The following GOLGA3 variants were observed in gnomAD, a reference collection of about 807,000 sequenced individuals.
The protein encoded by GOLGA3 is golgin subfamily A member 3.
Under a neutral mutation model 169.4 loss-of-function variants are expected in GOLGA3, and 75 were observed. The ratio of observed to expected loss-of-function variants is 0.44; its 90% CI spans 0.37 to 0.54. GOLGA3 has a LOEUF of 0.54. Ranked by LOEUF, GOLGA3 falls within the 20% of genes least tolerant of loss-of-function variation. The pLI is 0.00. For synonymous variants in GOLGA3, 824 were observed against 822.4 expected, an observed-to-expected ratio of 1.00 and a Z score of -0.03; for missense variants, 1,899 against 1,930.0, an observed-to-expected ratio of 0.98 and a Z score of 0.30.
At position 132,796,215 on chromosome 12, in the gene GOLGA3, C is replaced by T. The variant is rs750688317; in HGVS notation, c.2106G>A (p.Lys702=). 1 of 1,586,058 alleles carries T rather than the reference C, an allele frequency of 6.3e-7. No homozygotes were observed. Among genetic ancestry groups the T allele is most frequent in the Non-Finnish European group, 8.6e-7 (1 of 1,162,688 alleles). ...ASLEQQLEQV[K]LTLLQRDQQL... Reference sequence around the variant, plus strand: ...GCTGGTCTCGCTGGAGTAAAGTCAACTTCACCTGGAGAAGGAATGAAGCCC... The same window carrying T: ...GCTGGTCTCGCTGGAGTAAAGTCAATTTCACCTGGAGAAGGAATGAAGCCC... The change falls in exon 11 of 24, where the codon AAG becomes AAA. Residue 702 remains lysine (K), a synonymous_variant. Transcript: ENST00000450791.
intron 16 of GOLGA3, among the ~76,000 whole-genome samples, chr12:132,783,386 GAGCCCT>G (rs2045717149): frequency 6.6e-6 from 1 of 152,178 alleles, no homozygotes; most frequent in South Asian, 2.1e-4. Context: ...TCCAGGCACT[GAGCCCT>G]GGCTAGGCCA....
chr12:132,793,678 A>T (rs1219485649), intron 11 of GOLGA3, among the ~76,000 whole-genome samples: 34 of 108,380 alleles, frequency 3.1e-4, no homozygotes, highest in African/African-American at 1.1e-3. Context: ...GGCTCCACAC[A>T]GACCCACCGC....
At chr12:132,791,394 C>T in intron 11 of GOLGA3, 101 bp from the exon 12 acceptor site, 1 of 647,790 alleles carries the variant, frequency 1.5e-6, no homozygotes, top group South Asian at 1.9e-5. Context: ...AACACATCTG[C>T]ACAAATGTTA....
intron 2 of GOLGA3, among the ~76,000 whole-genome samples, chr12:132,817,272 C>T (rs79429116): frequency 4.1e-4 from 1 of 2,450 alleles, no homozygotes; most frequent in African/African-American, 8.6e-4. Flanking sequence ...CACACTCTAA[C>T]GTGAACCCGC....
chr12:132,800,614 G>A (rs745516646), intron 8 of GOLGA3, among the ~76,000 whole-genome samples: 3 of 152,070 alleles, frequency 2.0e-5, no homozygotes, highest in Non-Finnish European at 4.4e-5. Context: ...GAGAAATAAA[G>A]TTTTAATAAA....
At chr12:132,826,498 G>T (rs1448941114) in intron 1 of GOLGA3, among the ~76,000 whole-genome samples, 3 of 151,846 alleles carry the variant, frequency 2.0e-5, no homozygotes, top group East Asian at 3.9e-4. Flanking sequence ...CGCCAACATG[G>T]TGACAGCCAA....
intron 6 of GOLGA3, among the ~76,000 whole-genome samples, chr12:132,806,595 C>T (rs773723415): frequency 1.3e-5 from 2 of 152,260 alleles, no homozygotes; most frequent in Non-Finnish European, 2.9e-5. Context: ...AGCTGTGTCA[C>T]CTCAGGGCCT....
chr12:132,786,253 G>A, intron 15 of GOLGA3, 86 bp downstream of exon 15: 1 of 948,252 alleles, frequency 1.1e-6, no homozygotes, highest in Non-Finnish European at 1.6e-6. Flanking sequence ...GCCCCGCTAG[G>A]CTTTAGGGGA....
At chr12:132,791,998 G>C (rs11615804) in intron 11 of GOLGA3, among the ~76,000 whole-genome samples, 46,410 of 143,632 alleles carry the variant, frequency 0.32, 7,530 homozygotes, top group Non-Finnish European at 0.42. Context: ...GGCTCCAAGA[G>C]GGGGATGCAT....
intron 11 of GOLGA3, among the ~76,000 whole-genome samples, chr12:132,794,811 A>G (rs1001819588): frequency 7.9e-5 from 12 of 152,216 alleles, no homozygotes; most frequent in African/African-American, 2.9e-4. Context: ...ATCACTTAGT[A>G]CAGGTCAGTG....
chr12:132,774,679 C>T (rs187890458), intron 22 of GOLGA3: 32 of 397,430 alleles, frequency 8.1e-5, no homozygotes, highest in African/African-American at 5.8e-4. Context: ...AGTTTTCCAG[C>T]TTAGGCTCCC....
Position 132,782,340 on chromosome 12 carries a change from C to T in GOLGA3, c.3421G>A (p.Ala1141Thr). Residue 1141 changes from alanine to threonine, a missense_variant, in exon 17 of 24, where the codon GCT becomes ACT. Physicochemically the swap from Ala to Thr is moderately conservative, Grantham distance 58. Transcript: ENST00000450791. ...AGGTCTGCCTCCCTCTTGGCCAAAG[C>T]TGTTTCTAGGATGCTGTTGTGTTCC... ...LREHNSILETALAKREADLVQ... is the reference protein window; with the variant it reads ...LREHNSILETTLAKREADLVQ... 6.2e-7 allele frequency: 1 copy of T among 1,614,248 alleles called. No homozygotes were observed. Among genetic ancestry groups the T allele is most frequent in the Non-Finnish European group, 8.5e-7 (1 of 1,180,048 alleles).
chr12:132,775,176 G>A lies in GOLGA3; in HGVS notation c.4108C>T (p.Leu1370Phe), dbSNP rs750912477. 1.1e-5 allele frequency: 17 copies of A among 1,613,960 alleles called. No individual in the cohort carries two copies. Among genetic ancestry groups the A allele is most frequent in the East Asian group, 4.5e-5 (2 of 44,902 alleles). Reference protein sequence around the residue: ...MKTLLQQNQQLKLDLRRGAAK... With the variant: ...MKTLLQQNQQFKLDLRRGAAK... ...GCGCCGCGGCGTAGGTCCAGCTTGA[G>A]CTGCTGGTTCTGCTGGAGCAGGGTC... is the stretch of plus-strand genomic sequence containing the variant. Residue 1370 changes from leucine to phenylalanine, a missense_variant, in exon 22 of 24, where the codon CTC becomes TTC. Physicochemically the swap from Leu to Phe is conservative, Grantham distance 22. Transcript: ENST00000450791.
intron 1 of GOLGA3, 32 bp downstream of exon 1, chr12:132,828,770 GC>G (rs1950530497): frequency 1.3e-5 from 2 of 151,782 alleles, no homozygotes; most frequent in African/African-American, 4.9e-5. Flanking sequence ...GGGAGCCCGA[GC>G]CCCGAGGCGC....
At chr12:132,810,736 T>A (rs1949663745) in intron 4 of GOLGA3, among the ~76,000 whole-genome samples, 1 of 151,810 alleles carries the variant, frequency 6.6e-6, no homozygotes, top group Admixed American at 6.6e-5. Context: ...AGCATCAGTG[T>A]CAAGGAAAAA....
In GOLGA3 at chr12:132,808,302, G is replaced by T; in HGVS notation, c.767C>A (p.Ala256Glu). 10 of 1,614,100 alleles carry T rather than the reference G, an allele frequency of 6.2e-6. No homozygotes were observed. Among genetic ancestry groups the T allele is most frequent in the Admixed American group, 1.7e-5 (1 of 60,020 alleles). The stretch of plus-strand genomic sequence containing the variant: ...CGGGACATTTCCCCCAGAATTCCCC[G>T]CATTTGAATCTTCAGTTCTGTAATC... ...LADYRTEDSNAGNSGGNVPAP... is the reference protein window; with the variant it reads ...LADYRTEDSNEGNSGGNVPAP... The change falls in exon 5 of 24, where the codon GCG (alanine) becomes GAG (glutamate). Residue 256 changes from alanine to glutamate, a missense_variant. By Grantham distance (107) the Ala-to-Glu change is moderately radical. Transcript: ENST00000450791.
Position 132,771,667 on chromosome 12 carries a change from G to A in GOLGA3, c.*1438C>T, listed in dbSNP as rs564362477. 1 of 152,244 alleles carries A rather than the reference G, an allele frequency of 6.6e-6. No homozygotes were observed. The highest frequency in any genetic ancestry group is 2.1e-4 in the South Asian group (1 of 4,826). 9.4% of individuals were successfully genotyped at this position (152,244 alleles called of 1,614,324 possible). A position where few individuals can be genotyped will look rare whatever the true frequency, so the allele number is the denominator to read the frequency against. On this transcript the variant is annotated 3_prime_UTR_variant, in exon 24 of 24. Coordinates refer to ENST00000450791, the MANE Select transcript of GOLGA3 (RefSeq NM_001389683.1). The stretch of plus-strand genomic sequence containing the variant: ...GCTGGTGTAACCACAAAAGATCCAG[G>A]ACTTCTCGATGACTGCAGAAGTACA...
intron 8 of GOLGA3, 49 bp from the exon 9 acceptor site, chr12:132,798,526 A>T: frequency 6.4e-7 from 1 of 1,561,132 alleles, no homozygotes; most frequent in South Asian, 1.2e-5. Context: ...TTCAAGCAAG[A>T]AATGCAGACC....
chr12:132,809,518 G>A (rs952420662), intron 4 of GOLGA3, among the ~76,000 whole-genome samples: 19 of 137,506 alleles, frequency 1.4e-4, no homozygotes, highest in African/African-American at 4.7e-4. Context: ...ACCACGATCC[G>A]CCTGGTAACG....
Sources: allele counts gnomAD v4.1 joint callset (sites outside exome capture counted in the v4.1 genomes callset), GRCh38; gene constraint gnomAD v4.1.1; transcripts MANE v1.5; gene names NCBI Gene and HGNC (gene_info 2026-07-23, HGNC 2026-07-21).